NCKAP5: variants seen among roughly 807,000 people sequenced by gnomAD.
NCKAP5 encodes NCK associated protein 5.
In NCKAP5, 92 loss-of-function variants were observed where a neutral mutation model predicts 167.0. The ratio of observed to expected loss-of-function variants is 0.55; its 90% CI spans 0.47 to 0.66. The LOEUF (loss-of-function observed/expected upper bound fraction) is 0.66. NCKAP5 is among the 30% of genes least tolerant of loss of function. The pLI, the probability that NCKAP5 is intolerant of heterozygous loss-of-function variation, is 0.00. For missense variants in NCKAP5, 2,378 were observed against 2,315.0 expected (o/e 1.03, Z -0.56); for synonymous variants, 891 against 877.4 (o/e 1.02, Z -0.27).
intron 19 of NCKAP5, among the ~76,000 whole-genome samples, chr2:132,699,477 C>G (rs775821054): frequency 2.6e-5 from 4 of 151,808 alleles, no homozygotes; most frequent in Non-Finnish European, 5.9e-5. Context: ...TATCCCTCCC[C>G]ACTCCCCCCT....
At chr2:133,072,190 T>C (rs2080436601) in intron 6 of NCKAP5, among the ~76,000 whole-genome samples, 1 of 151,710 alleles carries the variant, frequency 6.6e-6, no homozygotes. Context: ...GTTCAAGCAA[T>C]TCTCCTGCCT....
At chr2:133,371,686 A>G (rs908058784) in intron 3 of NCKAP5, among the ~76,000 whole-genome samples, 2 of 152,194 alleles carry the variant, frequency 1.3e-5, no homozygotes, top group African/African-American at 4.8e-5. Flanking sequence ...CAAAAATAAT[A>G]TATGTTCTCA....
chr2:133,225,347 A>G (rs2086835714), intron 4 of NCKAP5, among the ~76,000 whole-genome samples: 2 of 152,200 alleles, frequency 1.3e-5, no homozygotes, highest in East Asian at 3.8e-4. Context: ...TTTAGTTTTC[A>G]CGACTTTCAA....
intron 4 of NCKAP5, among the ~76,000 whole-genome samples, chr2:133,224,692 G>GT (rs2086806090): frequency 6.6e-6 from 1 of 152,108 alleles, no homozygotes; most frequent in Admixed American, 6.5e-5. Flanking sequence ...CTGAATTAAA[G>GT]TAACCCATTT....
At chr2:133,446,433 T>C (rs1387667239) in intron 3 of NCKAP5, among the ~76,000 whole-genome samples, 2 of 152,228 alleles carry the variant, frequency 1.3e-5, no homozygotes, top group South Asian at 4.1e-4. Flanking sequence ...TTTCGTGTAA[T>C]AACTCATTTA....
intron 6 of NCKAP5, among the ~76,000 whole-genome samples, chr2:133,108,096 T>A (rs929564777): frequency 1.3e-5 from 2 of 152,128 alleles, no homozygotes; most frequent in Non-Finnish European, 2.9e-5. Context: ...CTAATTTAAC[T>A]TGAAGATCAT....
At chr2:133,647,404 G>GAAGGAAGGAAGA in the NCKAP5 span, among the ~76,000 whole-genome samples, 3 of 121,364 alleles carry the variant, frequency 2.5e-5, no homozygotes, top group Admixed American at 2.6e-4. Context: ...AGGAAGGAAG[G>GAAGGAAGGAAGA]AAGGAAGGAA....
At chr2:133,210,921 TG>T (rs2086184072) in intron 5 of NCKAP5, among the ~76,000 whole-genome samples, 1 of 152,162 alleles carries the variant, frequency 6.6e-6, no homozygotes, top group Non-Finnish European at 1.5e-5. Flanking sequence ...AGCCCTCCAA[TG>T]GTTCCCATCT....
chr2:133,335,937 T>G (rs1324411278), intron 3 of NCKAP5, among the ~76,000 whole-genome samples: 1 of 152,190 alleles, frequency 6.6e-6, no homozygotes, highest in Non-Finnish European at 1.5e-5. Flanking sequence ...TATATAGTAT[T>G]TGTTGTTTCT....
intron 6 of NCKAP5, among the ~76,000 whole-genome samples, chr2:133,049,485 C>T (rs532895543): frequency 2.2e-5 from 3 of 138,000 alleles, no homozygotes; most frequent in African/African-American, 2.7e-5. Flanking sequence ...GCAGAGCTTG[C>T]GGTGAGCCGA....
intron 16 of NCKAP5, among the ~76,000 whole-genome samples, chr2:132,758,337 T>C (rs776355958): frequency 7.9e-5 from 12 of 152,308 alleles, no homozygotes; most frequent in African/African-American, 2.9e-4. Flanking sequence ...AGCTAGATTA[T>C]AGGGTTTTTG....
chr2:133,468,799 T>G (rs1262762166), intron 3 of NCKAP5, among the ~76,000 whole-genome samples: 3 of 152,242 alleles, frequency 2.0e-5, no homozygotes, highest in African/African-American at 7.2e-5. Context: ...TTTGTTGGTT[T>G]AAAGTCTGTT....
At chr2:132,919,532 C>A (rs2148991675) in intron 8 of NCKAP5, among the ~76,000 whole-genome samples, 1 of 152,158 alleles carries the variant, frequency 6.6e-6, no homozygotes, top group Non-Finnish European at 1.5e-5. Flanking sequence ...ATGTTAACAC[C>A]AATCACAAGA....
intron 4 of NCKAP5, among the ~76,000 whole-genome samples, chr2:133,294,188 G>C (rs768001062): frequency 6.6e-6 from 1 of 152,142 alleles, no homozygotes; most frequent in Non-Finnish European, 1.5e-5. Context: ...ATTTTATTCA[G>C]TGTCCACCAT....
chr2:133,600,402 A>G, the NCKAP5 span, among the ~76,000 whole-genome samples: 2 of 152,204 alleles, frequency 1.3e-5, no homozygotes, highest in African/African-American at 4.8e-5. Context: ...GAAAAAAAAG[A>G]AAAATTCAGT....
At chr2:133,164,293 T>C (rs542060668) in intron 5 of NCKAP5, among the ~76,000 whole-genome samples, 1 of 152,342 alleles carries the variant, frequency 6.6e-6, no homozygotes, top group African/African-American at 2.4e-5. Flanking sequence ...TTTGTTTTGA[T>C]ATTCAAATAT....
the NCKAP5 span, among the ~76,000 whole-genome samples, chr2:133,643,688 A>T: frequency 6.6e-6 from 1 of 152,270 alleles, no homozygotes. Context: ...AATCATTTTC[A>T]AGTTCCCTCA....
At chr2:132,877,531 G>C (rs758204694) in intron 9 of NCKAP5, among the ~76,000 whole-genome samples, 4 of 152,124 alleles carry the variant, frequency 2.6e-5, no homozygotes, top group Non-Finnish European at 5.9e-5. Flanking sequence ...TAGGTCTGTC[G>C]TGGGTCCTGA....
intron 5 of NCKAP5, among the ~76,000 whole-genome samples, chr2:133,185,830 T>C (rs969530666): frequency 6.6e-6 from 1 of 152,062 alleles, no homozygotes; most frequent in South Asian, 2.1e-4. Flanking sequence ...ACTCTATTGA[T>C]GTAATTTATC....
Sources: allele counts gnomAD v4.1 joint callset (sites outside exome capture counted in the v4.1 genomes callset), GRCh38; gene constraint gnomAD v4.1.1; transcripts MANE v1.5; gene names NCBI Gene and HGNC (gene_info 2026-07-23, HGNC 2026-07-21).